Variants in CPED1 observed in about 807,000 individuals in gnomAD.
CPED1 encodes cadherin like and PC-esterase domain containing 1.
Under a neutral mutation model 128.2 loss-of-function variants are expected in CPED1, and 114 were observed. The observed-to-expected ratio is 0.89, with a 90% CI of 0.76 to 1.04. The LOEUF (loss-of-function observed/expected upper bound fraction) is 1.04. Among genes scored for constraint, CPED1 ranks in the 50% least tolerant of loss-of-function variants. The pLI is 0.00. For missense variants in CPED1, 1,211 were observed against 1,207.1 expected, an observed-to-expected ratio of 1.00 and a Z score of -0.05; for synonymous variants, 462 against 426.7, an observed-to-expected ratio of 1.08 and a Z score of -1.02.
chr7:121,186,015 T>G (rs1554633), intron 16 of CPED1, among the ~76,000 whole-genome samples: 1 of 152,200 alleles, frequency 6.6e-6, no homozygotes, highest in Non-Finnish European at 1.5e-5. Context: ...CTGGATATAA[T>G]ACTATTATAA....
intron 8 of CPED1, 85 bp downstream of exon 8, chr7:121,124,558 A>G: frequency 9.1e-7 from 1 of 1,103,440 alleles, no homozygotes; most frequent in Non-Finnish European, 1.2e-6. Context: ...AATGTATCTT[A>G]ATTATCATAA....
At chr7:121,292,119 C>T (rs781742309) in intron 22 of CPED1, among the ~76,000 whole-genome samples, 22 of 152,040 alleles carry the variant, frequency 1.4e-4, no homozygotes, top group Non-Finnish European at 3.1e-4. Flanking sequence ...AAGTTGGTTC[C>T]ATTCTCCCCA....
In CPED1 at chr7:121,296,688, T is replaced by A. The variant is rs1034201599; in HGVS notation, c.*1036T>A. ...TTAGACAAAAAATTATTATTTTAAT[T>A]AAACTGTGGCATACATATAATACAT... On this transcript the variant is annotated 3_prime_UTR_variant, in exon 23 of 23. Transcript: ENST00000310396. 5 of 152,140 alleles carry A rather than the reference T, an allele frequency of 3.3e-5. No homozygotes were observed. The highest frequency in any genetic ancestry group is 1.2e-4 in the African/African-American group (5 of 41,450). 9.4% of individuals were successfully genotyped at this position (152,140 alleles called of 1,614,324 possible). A position where few individuals can be genotyped will look rare whatever the true frequency, so the allele number is the denominator to read the frequency against.
intron 7 of CPED1, among the ~76,000 whole-genome samples, 160 bp from the exon 8 acceptor site, chr7:121,124,171 C>A (rs1795447947): frequency 1.3e-5 from 2 of 152,086 alleles, no homozygotes; most frequent in Admixed American, 1.3e-4. Flanking sequence ...TTTCAATATA[C>A]CTGTATCTTA....
intron 4 of CPED1, among the ~76,000 whole-genome samples, chr7:121,047,254 A>G (rs990214866): frequency 3.3e-5 from 5 of 152,232 alleles, no homozygotes; most frequent in Non-Finnish European, 5.9e-5. Context: ...TCTGCAGCCT[A>G]TGAAGTGTTG....
chr7:121,068,171 A>G (rs1372614276), intron 5 of CPED1, among the ~76,000 whole-genome samples: 1 of 152,182 alleles, frequency 6.6e-6, no homozygotes, highest in Non-Finnish European at 1.5e-5. Context: ...TTGGTGTTTT[A>G]GACAAGAAGT....
At chr7:121,263,967 A>T (rs1025549992) in intron 18 of CPED1, among the ~76,000 whole-genome samples, 1 of 152,078 alleles carries the variant, frequency 6.6e-6, no homozygotes, top group Admixed American at 6.6e-5. Flanking sequence ...GTACCTCATA[A>T]TGTGCCTGTA....
intron 4 of CPED1, among the ~76,000 whole-genome samples, chr7:121,056,335 T>A (rs996950388): frequency 6.6e-6 from 1 of 152,182 alleles, no homozygotes; most frequent in Non-Finnish European, 1.5e-5. Flanking sequence ...CAATCTCCTA[T>A]TTAAAATAAG....
rs1795885004 is a variant in CPED1, at chr7:121,140,830, A to G, written c.1703A>G (p.Glu568Gly). The G allele has an allele frequency of 6.2e-7, 1 of 1,607,960 alleles. No individual in the cohort carries two copies. Among genetic ancestry groups the G allele is most frequent in the Non-Finnish European group, 8.5e-7 (1 of 1,177,498 alleles). The change falls in exon 15 of 23, where the codon GAA (glutamate) becomes GGA (glycine). Residue 568 changes from glutamate (E) to glycine (G), a missense_variant. Coordinates refer to ENST00000310396, the MANE Select transcript of CPED1 (RefSeq NM_024913.5). The stretch of plus-strand genomic sequence containing the variant: ...ATTGTTTTTGTTTTTTTAACAGATG[A>G]AAACACACCATGTCATATCAAGCAG... ...ENKEIHCSDD[E>G]NTPCHIKQIF...
intron 16 of CPED1, among the ~76,000 whole-genome samples, chr7:121,169,140 T>G (rs1215891684): frequency 6.6e-6 from 1 of 152,208 alleles, no homozygotes; most frequent in Non-Finnish European, 1.5e-5. Flanking sequence ...TAAATGAATA[T>G]GTATACAAGT....
At chr7:121,086,258 T>C (rs1348870306) in intron 5 of CPED1, among the ~76,000 whole-genome samples, 1 of 152,284 alleles carries the variant, frequency 6.6e-6, no homozygotes, top group African/African-American at 2.4e-5. Context: ...ACCCACAAAA[T>C]GATATCTAAA....
chr7:121,233,196 T>C (rs1358425774), intron 16 of CPED1, among the ~76,000 whole-genome samples: 1 of 152,096 alleles, frequency 6.6e-6, no homozygotes, highest in Non-Finnish European at 1.5e-5. Flanking sequence ...TCCTACTAAA[T>C]ATATTGTTGC....
intron 22 of CPED1, among the ~76,000 whole-genome samples, chr7:121,287,052 CA>C (rs1395297017): frequency 1.3e-5 from 2 of 152,142 alleles, no homozygotes; most frequent in African/African-American, 4.8e-5. Flanking sequence ...GTTATGAAAA[CA>C]GCATGGAGGA....
At chr7:121,213,499 C>G (rs1361869765) in intron 16 of CPED1, among the ~76,000 whole-genome samples, 2 of 152,018 alleles carry the variant, frequency 1.3e-5, no homozygotes, top group Non-Finnish European at 2.9e-5. Context: ...TGTACCTTAT[C>G]TCTTCTTTAG....
intron 16 of CPED1, among the ~76,000 whole-genome samples, chr7:121,214,402 C>A (rs967779405): frequency 6.6e-6 from 1 of 152,020 alleles, no homozygotes; most frequent in Non-Finnish European, 1.5e-5. Context: ...AAGGGATTCT[C>A]GTGCCTTAGC....
chr7:121,289,980 C>T (rs1051204099), intron 22 of CPED1, among the ~76,000 whole-genome samples: 4 of 152,106 alleles, frequency 2.6e-5, no homozygotes, highest in African/African-American at 9.7e-5. Context: ...TGACAGGCCC[C>T]AGTGTGTGTT....
intron 22 of CPED1, among the ~76,000 whole-genome samples, chr7:121,293,869 G>A (rs1012475697): frequency 8.6e-5 from 13 of 151,904 alleles, no homozygotes; most frequent in Non-Finnish European, 1.8e-4. Flanking sequence ...GAGATGGACC[G>A]GGTACCTCAG....
At chr7:121,257,671 C>T (rs556091739) in intron 18 of CPED1, among the ~76,000 whole-genome samples, 1 of 152,056 alleles carries the variant, frequency 6.6e-6, no homozygotes, top group Admixed American at 6.6e-5. Flanking sequence ...AGTAGGTGAG[C>T]AAAGGGTTTT....
chr7:121,115,942 C>T (rs955592672), intron 7 of CPED1, among the ~76,000 whole-genome samples: 4 of 152,140 alleles, frequency 2.6e-5, no homozygotes, highest in Non-Finnish European at 5.9e-5. Flanking sequence ...TCCTTTATAT[C>T]CCACTGAGAA....
Sources: gnomAD v4.1 joint callset for allele counts (sites outside exome capture counted in the v4.1 genomes callset) on GRCh38, gnomAD v4.1.1 for gene constraint, MANE v1.5 for transcripts, NCBI Gene and HGNC (gene_info 2026-07-23, HGNC 2026-07-21) for gene names.